GLS: variants seen among roughly 807,000 people sequenced by gnomAD.
GLS encodes glutaminase kidney isoform, mitochondrial.
Under a neutral mutation model 86.7 loss-of-function variants are expected in GLS, and 36 were observed. That is an observed-to-expected ratio of 0.42 (90% CI 0.32 to 0.55). The LOEUF is 0.55. Among genes scored for constraint, GLS ranks in the 20% least tolerant of loss-of-function variants. GLS has a pLI of 0.17. For synonymous variants in GLS, 317 were observed against 305.9 expected (o/e 1.04, Z -0.38); for missense variants, 528 against 833.4 (o/e 0.63, Z 4.51).
intron 14 of GLS, among the ~76,000 whole-genome samples, chr2:190,952,776 A>G (rs1383336226): frequency 6.6e-6 from 1 of 152,226 alleles, no homozygotes; most frequent in East Asian, 1.9e-4. Context: ...CAAATATTCT[A>G]TGGTCAATAG....
chr2:190,946,019 A>G (rs1325568979), intron 14 of GLS, among the ~76,000 whole-genome samples: 2 of 152,192 alleles, frequency 1.3e-5, no homozygotes, highest in African/African-American at 4.8e-5. Context: ...TGTCTCAGTA[A>G]ATCTTTGGAA....
At chr2:190,941,130 T>C (rs1690416104) in intron 14 of GLS, among the ~76,000 whole-genome samples, 2 of 152,176 alleles carry the variant, frequency 1.3e-5, no homozygotes, top group Admixed American at 6.5e-5. Flanking sequence ...AACCGTGAAG[T>C]GTTTAGGATA....
At position 190,881,304 on chromosome 2, in the gene GLS, A is replaced by G; in HGVS notation, c.220A>G (p.Ser74Gly). 3.3e-6 allele frequency: 5 copies of G among 1,492,880 alleles called. No homozygotes were observed. The highest frequency in any genetic ancestry group is 4.5e-6 in the Non-Finnish European group (5 of 1,121,488). The allele number at this position is 1,492,880 out of a possible 1,614,324, so 92.5% of individuals were successfully genotyped here. A position where few individuals can be genotyped will look rare whatever the true frequency, so the allele number is the denominator to read the frequency against. Residue 74 changes from serine to glycine, a missense_variant, in exon 1 of 18, where the codon AGC (serine) becomes GGC (glycine). This residue lies in a region of GLS where 224 missense variants were observed against 187.9 expected (regional missense o/e 1.19). Transcript: ENST00000320717. ...PAEPLARGLS[S>G]SPSEILQELG... ...GGAGCCCCTCGCGCGGGGCCTGTCC[A>G]GCTCTCCTTCGGAGATCTTGCAGGA...
intron 11 of GLS, among the ~76,000 whole-genome samples, chr2:190,926,121 G>A (rs140557972): frequency 5.0e-4 from 76 of 152,224 alleles, no homozygotes; most frequent in African/African-American, 1.6e-3. Flanking sequence ...CAAATTGAAC[G>A]GCCATTGAGA....
chr2:190,933,708 ATG>A, intron 14 of GLS: 1 of 898,746 alleles, frequency 1.1e-6, no homozygotes, highest in African/African-American at 1.8e-5. Context: ...AACTTTTTCT[ATG>A]TTATATTTAA....
In GLS at chr2:190,935,316, GT is replaced by G; in HGVS notation, c.1650+3683del. 1 of 410,428 alleles carries G rather than the reference GT, an allele frequency of 2.4e-6. No homozygotes were observed. Among genetic ancestry groups the G allele is most frequent in the Non-Finnish European group, 3.3e-6 (1 of 305,798 alleles). The allele number at this position is 410,428 out of a possible 1,614,324, so 25.4% of individuals were successfully genotyped here. ...TTTATTGTTTTTTTTGTTTTGTTTT[GT>G]TTTGTTTTTATAAAAGCAACTTCAA... is the stretch of plus-strand genomic sequence containing the variant. On this transcript the variant is annotated intron_variant, in intron 14 of 17. Transcript: ENST00000320717. The surrounding 1 kb of genome is among the most constrained non-coding windows in gnomAD (Gnocchi z 4.2).
In GLS at chr2:190,924,275, C is replaced by G. The variant is rs1264710793; in HGVS notation, c.1198-268C>G. Among the ~76,000 whole-genome samples the G allele has an allele frequency of 6.6e-6, 1 of 152,016 alleles. No homozygotes were observed. The highest frequency in any genetic ancestry group is 2.4e-5 in the African/African-American group (1 of 41,380). ...CATGATGCCTGATTACTGTTAACTA[C>G]TCTTGATTTTTTTAAGTGGCTGGTC... is the stretch of plus-strand genomic sequence containing the variant. On this transcript the variant is annotated intron_variant, in intron 10 of 17. Transcript: ENST00000320717. This position sits in a 1 kb window ranked among gnomAD's most constrained non-coding sequence, Gnocchi z 5.2.
At chr2:190,922,258 C>T (rs1689760866) in intron 9 of GLS, among the ~76,000 whole-genome samples, 1 of 152,122 alleles carries the variant, frequency 6.6e-6, no homozygotes, top group Non-Finnish European at 1.5e-5. Flanking sequence ...GGTTCCTTGT[C>T]ATTAGAAACA....
At chr2:190,881,702 G>C in intron 1 of GLS, 1 of 464,040 alleles carries the variant, frequency 2.2e-6, no homozygotes. Context: ...CCCCCGGCGG[G>C]GGTCGCCCTG....
rs1688724877 is a variant in GLS, at chr2:190,895,982, T to C, written c.605+257T>C. 1 of 236,994 alleles carries C rather than the reference T, an allele frequency of 4.2e-6. No homozygotes were observed. Among genetic ancestry groups the C allele is most frequent in the African/African-American group, 2.2e-5 (1 of 44,704 alleles). The allele number at this position is 236,994 out of a possible 1,614,324, so 14.7% of individuals were successfully genotyped here. On this transcript the variant is annotated intron_variant, in intron 3 of 17. Transcript: ENST00000320717. This position sits in a 1 kb window ranked among gnomAD's most constrained non-coding sequence, Gnocchi z 4.2. Reference sequence around the variant, plus strand: ...AGTTTACAGTACTTGGAGATTGCATTCAGTTTGAGTAGAGCACATCCTTTG... The same window carrying C: ...AGTTTACAGTACTTGGAGATTGCATCCAGTTTGAGTAGAGCACATCCTTTG...
Position 190,912,810 on chromosome 2 carries a change from A to G in GLS, c.1038+2489A>G, listed in dbSNP as rs16833050. On this transcript the variant is annotated intron_variant, in intron 7 of 17. Transcript: ENST00000320717. ...ATATTGCCCCAAATGCAGAAGTACT[A>G]TTTCCTTAATTTGAACTGGTTCAAA... Among the ~76,000 whole-genome samples, 294 of 152,256 alleles carry G rather than the reference A, an allele frequency of 1.9e-3. 7 individuals are homozygous for G. In the East Asian group the frequency reaches 0.05, roughly 26 times the overall value.
At chr2:190,940,737 A>C (rs1201247979) in intron 14 of GLS, among the ~76,000 whole-genome samples, 2 of 147,372 alleles carry the variant, frequency 1.4e-5, no homozygotes, top group Non-Finnish European at 3.0e-5. Flanking sequence ...CTTAGTTAGC[A>C]AACTTTTTTT....
chr2:190,887,785 G>A (rs559670290), intron 1 of GLS, among the ~76,000 whole-genome samples: 2 of 152,112 alleles, frequency 1.3e-5, no homozygotes, highest in East Asian at 1.9e-4. Flanking sequence ...GGAGAAAAAC[G>A]CATGTTCAAC....
At chr2:190,894,328 T>C (rs1269967004) in intron 1 of GLS, among the ~76,000 whole-genome samples, 5 of 148,624 alleles carry the variant, frequency 3.4e-5, no homozygotes, top group African/African-American at 4.9e-5. Context: ...ATAAGTCTTA[T>C]ACTATCTTTT....
At chr2:190,899,024 A>C (rs1303866821) in intron 3 of GLS, among the ~76,000 whole-genome samples, 3 of 152,156 alleles carry the variant, frequency 2.0e-5, no homozygotes, top group African/African-American at 4.8e-5. Context: ...TGCATTTATA[A>C]CTTCTTGAAA....
In GLS at chr2:190,964,622, A is replaced by AG. The variant is rs1691079981; in HGVS notation, c.*1638dup. ...ACGGCCAATGTTCCTTAGCTGCACC[A>AG]GGCCCGAAGCTGTTCCCATGCTTGA... On this transcript the variant is annotated 3_prime_UTR_variant, in exon 18 of 18. Coordinates refer to ENST00000320717, the MANE Select transcript of GLS (RefSeq NM_014905.5). This position sits in a 1 kb window ranked among gnomAD's most constrained non-coding sequence, Gnocchi z 5.2. 1 of 152,228 alleles carries AG rather than the reference A, an allele frequency of 6.6e-6. No homozygotes were observed. The highest frequency in any genetic ancestry group is 2.4e-5 in the African/African-American group (1 of 41,454). The allele number at this position is 152,228 out of a possible 1,614,324, so 9.4% of individuals were successfully genotyped here. A position where few individuals can be genotyped will look rare whatever the true frequency, so the allele number is the denominator to read the frequency against.
At chr2:190,882,387 C>T (rs1338684626) in intron 1 of GLS, among the ~76,000 whole-genome samples, 2 of 152,118 alleles carry the variant, frequency 1.3e-5, no homozygotes, top group Admixed American at 6.5e-5. Context: ...AAAGCAGTCT[C>T]CTATATATTT....
At chr2:190,946,265 A>G (rs1231387510) in intron 14 of GLS, among the ~76,000 whole-genome samples, 5 of 152,334 alleles carry the variant, frequency 3.3e-5, no homozygotes, top group Admixed American at 3.3e-4. Context: ...GTATGCCTCA[A>G]TTTGACCTTA....
At chr2:190,946,498 T>C (rs1558992613) in intron 14 of GLS, among the ~76,000 whole-genome samples, 1 of 152,264 alleles carries the variant, frequency 6.6e-6, no homozygotes, top group East Asian at 1.9e-4. Context: ...GTTTTTTCAG[T>C]TACCTGCTTT....
Sources: gnomAD v4.1 joint callset for allele counts (sites outside exome capture counted in the v4.1 genomes callset) on GRCh38, gnomAD v4.1.1 for gene constraint, gnomAD v4.1.1 regional missense constraint, Gnocchi (gnomAD v3.1) non-coding constraint, MANE v1.5 for transcripts, NCBI Gene and HGNC (gene_info 2026-07-23, HGNC 2026-07-21) for gene names.